Variants in KIZ observed in about 807,000 individuals in gnomAD.
The protein encoded by KIZ is centrosomal protein kizuna.
Under a neutral mutation model 79.6 loss-of-function variants are expected in KIZ, and 68 were observed. That is an observed-to-expected ratio of 0.85 (90% CI 0.70 to 1.05). The LOEUF is 1.05. Ranked by LOEUF, KIZ falls within the 50% of genes least tolerant of loss-of-function variation. The pLI is 0.00. For synonymous variants in KIZ, 280 were observed against 281.8 expected (o/e 0.99, Z 0.06); for missense variants, 797 against 800.4 (o/e 1.00, Z 0.05).
chr20:21,185,130 G>C (rs1356150598), intron 6 of KIZ, among the ~76,000 whole-genome samples: 4 of 152,138 alleles, frequency 2.6e-5, no homozygotes, highest in Non-Finnish European at 5.9e-5. Flanking sequence ...CTTTTATACT[G>C]AATCTATTTT....
At chr20:21,173,939 A>G (rs1215365122) in intron 6 of KIZ, among the ~76,000 whole-genome samples, 1 of 152,208 alleles carries the variant, frequency 6.6e-6, no homozygotes, top group Admixed American at 6.5e-5. Context: ...GTGAATGTAA[A>G]TAGGAAAGTG....
chr20:21,126,114 GCAT>G lies in KIZ; in HGVS notation c.-1_2del. On this transcript the variant is annotated start_lost and 5_prime_UTR_variant, in exon 1 of 13. Coordinates refer to ENST00000619189, the MANE Select transcript of KIZ (RefSeq NM_018474.6). ...GTGCTGAGCTGGCGCAGCGGCAGCAGCATGAGCCGGACCCTCGCATCGGCCGTG... is the reference window on the plus strand; with the variant it reads ...GTGCTGAGCTGGCGCAGCGGCAGCAGGAGCCGGACCCTCGCATCGGCCGTG... The G allele has an allele frequency of 6.6e-7, 1 of 1,512,786 alleles. No individual in the cohort carries two copies. The highest frequency in any genetic ancestry group is 1.7e-4 in the Middle Eastern group (1 of 5,782). The allele number at this position is 1,512,786 out of a possible 1,614,324, so 93.7% of individuals were successfully genotyped here. A position where few individuals can be genotyped will look rare whatever the true frequency, so the allele number is the denominator to read the frequency against.
Position 21,229,054 on chromosome 20 carries a change from T to A in KIZ, c.1722T>A (p.Asp574Glu). 6.2e-7 allele frequency: 1 copy of A among 1,612,624 alleles called. No individual in the cohort carries two copies. Among genetic ancestry groups the A allele is most frequent in the South Asian group, 1.1e-5 (1 of 90,758 alleles). ...YQLLKKATLQ[D>E]NTNQTENRFQ... ...TGCTGAAGAAGGCCACCCTTCAGGA[T>A]AATACAAATCAAACTGAAAACAGGT... Residue 574 changes from aspartate to glutamate, a missense_variant, in exon 10 of 13, where the codon GAT becomes GAA. Coordinates refer to ENST00000619189, the MANE Select transcript of KIZ (RefSeq NM_018474.6).
chr20:21,135,192 CAT>C (rs2032113589), intron 2 of KIZ, among the ~76,000 whole-genome samples: 1 of 152,150 alleles, frequency 6.6e-6, no homozygotes. Flanking sequence ...GTTACTCACT[CAT>C]GTGGTCAGCT....
At chr20:21,245,633 A>G (rs1229256546) in intron 12 of KIZ, 1 of 152,258 alleles carries the variant, frequency 6.6e-6, no homozygotes, top group African/African-American at 2.4e-5. Flanking sequence ...GACCACCTGC[A>G]GGGCACCTCA....
intron 6 of KIZ, among the ~76,000 whole-genome samples, 187 bp downstream of exon 6, chr20:21,163,346 T>C (rs2033785623): frequency 1.3e-5 from 2 of 152,186 alleles, no homozygotes; most frequent in African/African-American, 4.8e-5. Flanking sequence ...CTTTCCTTCC[T>C]CCCTTCCTTC....
At chr20:21,152,247 C>T (rs2033156182) in intron 4 of KIZ, among the ~76,000 whole-genome samples, 1 of 152,100 alleles carries the variant, frequency 6.6e-6, no homozygotes, top group Non-Finnish European at 1.5e-5. Context: ...TTCTTTACAT[C>T]CCTTTGCCTT....
intron 11 of KIZ, among the ~76,000 whole-genome samples, chr20:21,235,126 T>G (rs2123464366): frequency 6.6e-6 from 1 of 152,308 alleles, no homozygotes; most frequent in Non-Finnish European, 1.5e-5. Context: ...GGGTGCTGCT[T>G]TGCATAGCAA....
At chr20:21,159,961 T>G (rs2033577984) in intron 4 of KIZ, among the ~76,000 whole-genome samples, 3 of 152,246 alleles carry the variant, frequency 2.0e-5, no homozygotes, top group Admixed American at 2.0e-4. Flanking sequence ...CACCGTTTTA[T>G]ATTCCCATCA....
chr20:21,145,735 A>G, intron 4 of KIZ, 81 bp downstream of exon 4: 1 of 567,446 alleles, frequency 1.8e-6, no homozygotes, highest in East Asian at 3.3e-5. Context: ...TTTAAATAAA[A>G]TCATCTTATT....
At chr20:21,172,677 T>C (rs2034262962) in intron 6 of KIZ, among the ~76,000 whole-genome samples, 1 of 151,996 alleles carries the variant, frequency 6.6e-6, no homozygotes, top group African/African-American at 2.4e-5. Flanking sequence ...ATACAAGATA[T>C]AAGATAGTGG....
At chr20:21,177,683 T>A (rs1467183539) in intron 6 of KIZ, among the ~76,000 whole-genome samples, 1 of 152,136 alleles carries the variant, frequency 6.6e-6, no homozygotes, top group Non-Finnish European at 1.5e-5. Flanking sequence ...TTTTCCCCTA[T>A]GTTTTCTTCT....
chr20:21,164,467 A>G (rs1365499708), intron 6 of KIZ, among the ~76,000 whole-genome samples: 6 of 152,226 alleles, frequency 3.9e-5, no homozygotes, highest in Admixed American at 6.5e-5. Context: ...CACAGGTAAT[A>G]CATATTACAT....
chr20:21,153,479 T>C (rs912813065), intron 4 of KIZ, among the ~76,000 whole-genome samples: 2 of 152,180 alleles, frequency 1.3e-5, no homozygotes, highest in Non-Finnish European at 2.9e-5. Context: ...AACTGTTGAA[T>C]TTCATGGCCA....
In KIZ at chr20:21,126,206, T is replaced by C; in HGVS notation, c.89+2T>C. The C allele has an allele frequency of 6.9e-7, 1 of 1,457,724 alleles. No homozygotes were observed. The highest frequency in any genetic ancestry group is 9.1e-7 in the Non-Finnish European group (1 of 1,097,290). The allele number at this position is 1,457,724 out of a possible 1,614,324, so 90.3% of individuals were successfully genotyped here. On this transcript the variant is annotated splice_donor_variant, in intron 1 of 12. Transcript: ENST00000619189. LOFTEE classifies it high-confidence loss of function. ...ACTCCAGCACGGGCTGCGGGACAGG[T>C]AAGGGCACTGGGGCGGGGGTGGGGA...
chr20:21,136,724 G>A (rs2122377313), intron 3 of KIZ, among the ~76,000 whole-genome samples, 172 bp downstream of exon 3: 1 of 151,936 alleles, frequency 6.6e-6, no homozygotes, highest in Non-Finnish European at 1.5e-5. Flanking sequence ...CACACCCCAT[G>A]TAGCTGTGTA....
intron 4 of KIZ, among the ~76,000 whole-genome samples, chr20:21,147,585 A>C (rs1206035228): frequency 2.0e-5 from 3 of 152,186 alleles, no homozygotes; most frequent in Non-Finnish European, 4.4e-5. Context: ...AGCATAGTAC[A>C]GTCACTGGTT....
At chr20:21,126,862 G>A (rs1430507355) in intron 1 of KIZ, among the ~76,000 whole-genome samples, 1 of 152,136 alleles carries the variant, frequency 6.6e-6, no homozygotes, top group Non-Finnish European at 1.5e-5. Context: ...AAATTATACC[G>A]CAATGTACTA....
At chr20:21,243,209 C>T (rs1259558729) in intron 11 of KIZ, among the ~76,000 whole-genome samples, 4 of 151,656 alleles carry the variant, frequency 2.6e-5, no homozygotes, top group Non-Finnish European at 5.9e-5. Flanking sequence ...TGGCTGTGAG[C>T]ACTACTCAGT....
Sources: gnomAD v4.1 joint callset for allele counts (sites outside exome capture counted in the v4.1 genomes callset) on GRCh38, gnomAD v4.1.1 for gene constraint, MANE v1.5 for transcripts, NCBI Gene and HGNC (gene_info 2026-07-23, HGNC 2026-07-21) for gene names.